The following EIF1 variants were observed in gnomAD, a reference collection of about 807,000 sequenced individuals.
EIF1 encodes eukaryotic translation initiation factor 1.
A neutral mutation model predicts 13.7 loss-of-function variants in EIF1; 4 were observed. The ratio of observed to expected loss-of-function variants is 0.29; its 90% CI spans 0.14 to 0.67. EIF1 has a LOEUF of 0.67. Among genes scored for constraint, EIF1 ranks in the 30% least tolerant of loss-of-function variants. The pLI, the probability that EIF1 is intolerant of heterozygous loss-of-function variation, is 0.77. For synonymous variants in EIF1, 67 were observed against 50.7 expected, an observed-to-expected ratio of 1.32 and a Z score of -1.37; for missense variants, 64 against 138.0, an observed-to-expected ratio of 0.46 and a Z score of 2.69.
rs1431848517 is a variant in EIF1, at chr17:41,690,205, A to G, written c.297+16A>G. On this transcript the variant is annotated intron_variant, in intron 3 of 3. Coordinates refer to ENST00000469257, the MANE Select transcript of EIF1 (RefSeq NM_005801.4). ...CCTCGTAGAGGTGAGTTCAGTCACT[A>G]CTTGATTTGTGCCTCTCTGCTGGCA... is the stretch of plus-strand genomic sequence containing the variant. 5.6e-6 allele frequency: 9 copies of G among 1,598,022 alleles called. No homozygotes were observed. The highest frequency in any genetic ancestry group is 6.0e-6 in the Non-Finnish European group (7 of 1,165,782).
chr17:41,689,623 G>T, intron 1 of EIF1, 155 bp from the exon 2 acceptor site: 1 of 720,418 alleles, frequency 1.4e-6, no homozygotes, highest in Middle Eastern at 4.1e-4. Context: ...GGACTGACCT[G>T]CTCGGGGAGA....
rs1910275806 is a variant in EIF1, at chr17:41,688,914, T to TCAG, written c.-120_-118dup. 2.1e-6 allele frequency: 2 copies of TCAG among 952,646 alleles called. No individual in the cohort carries two copies. The highest frequency in any genetic ancestry group is 3.2e-5 in the African/African-American group (2 of 61,872). 59.0% of individuals were successfully genotyped at this position (952,646 alleles called of 1,614,324 possible). A position where few individuals can be genotyped will look rare whatever the true frequency, so the allele number is the denominator to read the frequency against. ...CAGTCACTGAGCCGCCGCCGAGGAT[T>TCAG]CAGCAGCCTCCCCCTTGAGCCCCCT... On this transcript the variant is annotated 5_prime_UTR_variant, in exon 1 of 4. Transcript: ENST00000469257.
chr17:41,689,382 C>G, intron 1 of EIF1: 1 of 534,648 alleles, frequency 1.9e-6, no homozygotes, highest in South Asian at 2.3e-5. Flanking sequence ...CGTTACGTCA[C>G]CACCCGTTGT....
rs938281029 is a variant in EIF1 at position 41,691,740 on chromosome 17, C to T, written c.*914C>T. 2 of 152,670 alleles carry T rather than the reference C, an allele frequency of 1.3e-5. No individual in the cohort carries two copies. Among genetic ancestry groups the T allele is most frequent in the Admixed American group, 6.5e-5 (1 of 15,288 alleles). The allele number at this position is 152,670 out of a possible 1,614,324, so 9.5% of individuals were successfully genotyped here. ...GAGGATTCGTCCACACCCACAGCTT[C>T]TCAACGGGCCTGAATTTGGCCAAGA... On this transcript the variant is annotated 3_prime_UTR_variant, in exon 4 of 4. Transcript: ENST00000469257.
chr17:41,689,660 C>T, intron 1 of EIF1, 118 bp from the exon 2 acceptor site: 3 of 1,081,414 alleles, frequency 2.8e-6, no homozygotes, highest in Non-Finnish European at 3.9e-6. Flanking sequence ...TTCGGCCTGG[C>T]CCAAGCCCTG....
chr17:41,688,902 G>C lies in EIF1; in HGVS notation c.-137G>C, dbSNP rs1351087550. The C allele has an allele frequency of 1.2e-6, 1 of 840,224 alleles. No individual in the cohort carries two copies. The highest frequency in any genetic ancestry group is 2.3e-5 in the Admixed American group (1 of 43,754). 52.0% of individuals were successfully genotyped at this position (840,224 alleles called of 1,614,324 possible). A position where few individuals can be genotyped will look rare whatever the true frequency, so the allele number is the denominator to read the frequency against. ...GCCCCTCTGCCCCAGTCACTGAGCC[G>C]CCGCCGAGGATTCAGCAGCCTCCCC... On this transcript the variant is annotated 5_prime_UTR_variant, in exon 1 of 4. Transcript: ENST00000469257.
intron 3 of EIF1, chr17:41,690,566 C>T (rs537022457): frequency 1.7e-4 from 96 of 581,116 alleles, no homozygotes; most frequent in Middle Eastern, 3.0e-4. Flanking sequence ...ATTTCAGATA[C>T]CTGATGAGTC....
At chr17:41,690,229 C>T in intron 3 of EIF1, 40 bp downstream of exon 3, 7 of 1,539,190 alleles carry the variant, frequency 4.5e-6, no homozygotes, top group Non-Finnish European at 6.3e-6. Context: ...TCTCTGCTGG[C>T]AAATCTCAGA....
In EIF1 at chr17:41,688,885, G is replaced by T. The variant is rs1010835443; in HGVS notation, c.-154G>T. The T allele has an allele frequency of 1.4e-6, 1 of 719,608 alleles. No individual in the cohort carries two copies. The allele number at this position is 719,608 out of a possible 1,614,324, so 44.6% of individuals were successfully genotyped here. A position where few individuals can be genotyped will look rare whatever the true frequency, so the allele number is the denominator to read the frequency against. The stretch of plus-strand genomic sequence containing the variant: ...AACTAAACACAGGCACCGCCCCTCT[G>T]CCCCAGTCACTGAGCCGCCGCCGAG... On this transcript the variant is annotated 5_prime_UTR_variant, in exon 1 of 4. Transcript: ENST00000469257.
intron 1 of EIF1, chr17:41,689,538 C>G (rs1910306884): frequency 8.0e-6 from 4 of 501,504 alleles, no homozygotes; most frequent in Non-Finnish European, 1.4e-5. Context: ...CCCGGACTCC[C>G]CCGACATGTG....
chr17:41,691,006 C>T lies in EIF1; in HGVS notation c.*180C>T, dbSNP rs371930148. 692 of 652,520 alleles carry T rather than the reference C, an allele frequency of 1.1e-3. 5 individuals are homozygous for T. Among genetic ancestry groups the T allele is most frequent in the South Asian group, 8.5e-3 (440 of 52,022 alleles). 40.4% of individuals were successfully genotyped at this position (652,520 alleles called of 1,614,324 possible). A position where few individuals can be genotyped will look rare whatever the true frequency, so the allele number is the denominator to read the frequency against. ...AATAAACTGAAAAGAGCCATGCTGT[C>T]TAGTCTTGAAGTCCCTCATTTAAAC... On this transcript the variant is annotated 3_prime_UTR_variant, in exon 4 of 4. Coordinates refer to ENST00000469257, the MANE Select transcript of EIF1 (RefSeq NM_005801.4).
At chr17:41,689,196 G>A (rs974101542) in intron 1 of EIF1, 127 bp downstream of exon 1, 2 of 1,128,462 alleles carry the variant, frequency 1.8e-6, no homozygotes, top group Admixed American at 3.9e-5. Context: ...CTTGACCAGG[G>A]TCGCAGGGCA....
chr17:41,689,352 C>T (rs1057442878), intron 1 of EIF1: 6 of 563,574 alleles, frequency 1.1e-5, no homozygotes, highest in South Asian at 2.1e-5. Context: ...CCGCCCCTCC[C>T]GTCACCATTG....
At chr17:41,689,174 G>T in intron 1 of EIF1, 105 bp downstream of exon 1, 1 of 1,346,024 alleles carries the variant, frequency 7.4e-7, no homozygotes, top group Non-Finnish European at 1.1e-6. Context: ...TCGTAAGCTC[G>T]GGCAGGGGAA....
rs531077512 is a variant in EIF1 at position 41,691,761 on chromosome 17, C to G, written c.*935C>G. 3 of 152,626 alleles carry G rather than the reference C, an allele frequency of 2.0e-5. No homozygotes were observed. In the East Asian group the frequency reaches 5.8e-4, roughly 29 times the overall value. The allele number at this position is 152,626 out of a possible 1,614,324, so 9.5% of individuals were successfully genotyped here. ...GCTTCTCAACGGGCCTGAATTTGGC[C>G]AAGAAAAACCTTTATGAGCTTGTCC... is the stretch of plus-strand genomic sequence containing the variant. On this transcript the variant is annotated 3_prime_UTR_variant, in exon 4 of 4. Transcript: ENST00000469257.
rs959454462 is a variant in EIF1, at chr17:41,692,129, CATGCT to C, written c.*1304_*1308del. ...GTTTTTGCAAGCATTTAGCCAGAGT[CATGCT>C]GTGCTGTTAATCAGTGTCCTGGAGA... is the stretch of plus-strand genomic sequence containing the variant. On this transcript the variant is annotated 3_prime_UTR_variant, in exon 4 of 4. Transcript: ENST00000469257. The C allele has an allele frequency of 2.0e-5, 3 of 152,378 alleles. No homozygotes were observed. Among genetic ancestry groups the C allele is most frequent in the South Asian group, 2.1e-4 (1 of 4,832 alleles). 9.4% of individuals were successfully genotyped at this position (152,378 alleles called of 1,614,324 possible).
At position 41,691,970 on chromosome 17, in the gene EIF1, A is replaced by G. The variant is rs1242957039; in HGVS notation, c.*1144A>G. The G allele has an allele frequency of 2.6e-5, 4 of 152,058 alleles. No individual in the cohort carries two copies. Among genetic ancestry groups the G allele is most frequent in the African/African-American group, 7.2e-5 (3 of 41,392 alleles). 9.4% of individuals were successfully genotyped at this position (152,058 alleles called of 1,614,324 possible). A position where few individuals can be genotyped will look rare whatever the true frequency, so the allele number is the denominator to read the frequency against. ...GGCACCATGCCCAGCTAACTTTTGT[A>G]TTTTTAGTAGAGACAGGGTTTCTCC... On this transcript the variant is annotated 3_prime_UTR_variant, in exon 4 of 4. Transcript: ENST00000469257.
intron 3 of EIF1, 155 bp downstream of exon 3, chr17:41,690,344 A>G (rs1385435911): frequency 6.5e-6 from 4 of 610,744 alleles, no homozygotes; most frequent in Middle Eastern, 3.0e-4. Flanking sequence ...GTTTTATAGG[A>G]AAAAGCAGAA....
intron 1 of EIF1, chr17:41,689,362 G>C: frequency 1.8e-6 from 1 of 556,736 alleles, no homozygotes; most frequent in Admixed American, 3.4e-5. Flanking sequence ...CGTCACCATT[G>C]CGTCACGTCC....
Sources: gnomAD v4.1 joint callset for allele counts on GRCh38, gnomAD v4.1.1 for gene constraint, MANE v1.5 for transcripts, NCBI Gene and HGNC (gene_info 2026-07-23, HGNC 2026-07-21) for gene names.